SPAG16: variants seen among roughly 807,000 people sequenced by gnomAD.
The protein encoded by SPAG16 is sperm-associated antigen 16 protein.
In SPAG16, 86 loss-of-function variants were observed where a neutral mutation model predicts 80.4. That is an observed-to-expected ratio of 1.07 (90% confidence interval 0.90 to 1.28). SPAG16 has a LOEUF of 1.28. SPAG16 is among the 50% of genes most tolerant of loss of function. The probability of loss-of-function intolerance (pLI) is 0.00; values close to 1 mark genes in which losing one functional copy is unlikely to be tolerated. For synonymous variants in SPAG16, 294 were observed against 265.9 expected, an observed-to-expected ratio of 1.11 and a Z score of -1.03; for missense variants, 870 against 765.3, an observed-to-expected ratio of 1.14 and a Z score of -1.61.
intron 14 of SPAG16, among the ~76,000 whole-genome samples, chr2:214,114,657 C>T (rs557963086): frequency 6.4e-4 from 97 of 152,298 alleles, no homozygotes; most frequent in Middle Eastern, 3.4e-3. Context: ...CTAAGACCTT[C>T]GGAAAAGCAT....
At chr2:214,288,268 G>A (rs944640229) in intron 15 of SPAG16, among the ~76,000 whole-genome samples, 3 of 151,906 alleles carry the variant, frequency 2.0e-5, no homozygotes, top group East Asian at 3.9e-4. Context: ...TATTTTTATG[G>A]CCAAATAGTA....
chr2:213,685,203 C>G (rs1425157430), intron 10 of SPAG16, among the ~76,000 whole-genome samples: 1 of 152,214 alleles, frequency 6.6e-6, no homozygotes, highest in Non-Finnish European at 1.5e-5. Context: ...CCCCAAGTAC[C>G]TCAGAATGTG....
chr2:214,115,323 T>C (rs2053878744), intron 14 of SPAG16, among the ~76,000 whole-genome samples: 1 of 152,208 alleles, frequency 6.6e-6, no homozygotes. Flanking sequence ...ATTTAAAAAA[T>C]CCATATGTGG....
intron 15 of SPAG16, among the ~76,000 whole-genome samples, chr2:214,387,834 G>A (rs1392610933): frequency 6.6e-6 from 1 of 152,088 alleles, no homozygotes; most frequent in African/African-American, 2.4e-5. Flanking sequence ...CAGGATGGGG[G>A]AGCCACCCTC....
At chr2:214,233,130 G>A (rs886802692) in intron 15 of SPAG16, among the ~76,000 whole-genome samples, 3 of 151,892 alleles carry the variant, frequency 2.0e-5, no homozygotes, top group Admixed American at 6.6e-5. Context: ...GTCAAAAAAA[G>A]GGGGGGCCAT....
At chr2:214,218,822 A>G (rs1468670071) in intron 15 of SPAG16, among the ~76,000 whole-genome samples, 1 of 152,226 alleles carries the variant, frequency 6.6e-6, no homozygotes, top group Non-Finnish European at 1.5e-5. Context: ...GTCACTGACA[A>G]GTGGGCTTAG....
intron 10 of SPAG16, among the ~76,000 whole-genome samples, chr2:213,697,539 C>T (rs1574847927): frequency 6.6e-6 from 1 of 152,090 alleles, no homozygotes; most frequent in South Asian, 2.1e-4. Flanking sequence ...CATGAGATTA[C>T]CCTATATTTA....
At chr2:214,259,723 C>A (rs1477207089) in intron 15 of SPAG16, among the ~76,000 whole-genome samples, 1 of 151,746 alleles carries the variant, frequency 6.6e-6, no homozygotes, top group African/African-American at 2.4e-5. Flanking sequence ...TTTTTGTTTT[C>A]GTCTGTATTC....
At chr2:213,391,264 T>A (rs1348083241) in intron 9 of SPAG16, among the ~76,000 whole-genome samples, 2 of 152,162 alleles carry the variant, frequency 1.3e-5, no homozygotes, top group Non-Finnish European at 2.9e-5. Flanking sequence ...CGAGACTCCG[T>A]TTCAAAAAAA....
chr2:214,115,556 AG>A (rs1346421345), intron 14 of SPAG16, among the ~76,000 whole-genome samples: 4 of 152,224 alleles, frequency 2.6e-5, no homozygotes, highest in Non-Finnish European at 5.9e-5. Flanking sequence ...CACAGAAACA[AG>A]GGTAATGTCA....
At chr2:213,808,703 T>C (rs2071928952) in intron 10 of SPAG16, among the ~76,000 whole-genome samples, 1 of 152,200 alleles carries the variant, frequency 6.6e-6, no homozygotes, top group African/African-American at 2.4e-5. Context: ...CTTTTGTTTA[T>C]ATTTTTTAGA....
chr2:213,427,102 G>T (rs1413300143), intron 9 of SPAG16, among the ~76,000 whole-genome samples: 1 of 151,966 alleles, frequency 6.6e-6, no homozygotes. Context: ...TCCATTCAAA[G>T]TAAAAATAAT....
chr2:214,372,870 T>C (rs1337650100), intron 15 of SPAG16, among the ~76,000 whole-genome samples: 1 of 152,226 alleles, frequency 6.6e-6, no homozygotes, highest in Non-Finnish European at 1.5e-5. Context: ...TCACCCAGGC[T>C]GCTGTTTTTA....
intron 9 of SPAG16, among the ~76,000 whole-genome samples, chr2:213,422,866 G>T (rs2069683060): frequency 6.6e-6 from 1 of 152,324 alleles, no homozygotes; most frequent in South Asian, 2.1e-4. Flanking sequence ...TTAGCCTCAA[G>T]ATACAGATAT....
chr2:213,409,116 G>GTT lies in SPAG16; in HGVS notation c.942+34008_942+34009dup, dbSNP rs71060431. Among the ~76,000 whole-genome samples the GTT allele has an allele frequency of 4.7e-3, 690 of 146,804 alleles. 6 individuals are homozygous for GTT. The highest frequency in any genetic ancestry group is 0.015 in the African/African-American group (614 of 40,276). On this transcript the variant is annotated intron_variant, in intron 9 of 15. Transcript: ENST00000331683. ...ATTATTGTCCTGAAATAAATTAACT[G>GTT]TTTTTTTTTTTTAAAGGGGATGTTT...
At chr2:213,820,189 T>G (rs539539065) in intron 10 of SPAG16, among the ~76,000 whole-genome samples, 12 of 151,984 alleles carry the variant, frequency 7.9e-5, no homozygotes, top group Non-Finnish European at 1.5e-4. Context: ...ACCTCCTACT[T>G]CCAGCCTCCC....
intron 10 of SPAG16, among the ~76,000 whole-genome samples, chr2:213,777,987 C>T (rs2069708673): frequency 6.6e-6 from 1 of 151,978 alleles, no homozygotes; most frequent in South Asian, 2.1e-4. Context: ...TAGTTTTGCT[C>T]TTGAGATTAT....
chr2:214,028,627 G>A (rs1172727221), intron 13 of SPAG16, among the ~76,000 whole-genome samples: 4 of 151,830 alleles, frequency 2.6e-5, no homozygotes, highest in Non-Finnish European at 5.9e-5. Context: ...AAATTTTAAA[G>A]GATATTTAAG....
At chr2:213,886,357 A>G (rs1011442791) in intron 11 of SPAG16, among the ~76,000 whole-genome samples, 32 of 152,082 alleles carry the variant, frequency 2.1e-4, no homozygotes, top group African/African-American at 7.7e-4. Flanking sequence ...TGGCCTGGGC[A>G]GGAGGAGAGT....
Sources: allele counts gnomAD v4.1 joint callset (sites outside exome capture counted in the v4.1 genomes callset), GRCh38; gene constraint gnomAD v4.1.1; transcripts MANE v1.5; gene names NCBI Gene and HGNC (gene_info 2026-07-23, HGNC 2026-07-21).